APOH: variants seen among roughly 807,000 people sequenced by gnomAD.
The protein encoded by APOH is beta-2-glycoprotein 1.
In APOH, 48 loss-of-function variants were observed where a neutral mutation model predicts 39.8. That is an observed-to-expected ratio of 1.21 (90% CI 0.96 to 1.54). The LOEUF is 1.54. Among genes scored for constraint, APOH ranks in the 40% most tolerant of loss-of-function variants. The pLI, the probability that APOH is intolerant of heterozygous loss-of-function variation, is 0.00. For missense variants in APOH, 415 were observed against 421.2 expected, an observed-to-expected ratio of 0.99 and a Z score of 0.13; for synonymous variants, 153 against 151.1, an observed-to-expected ratio of 1.01 and a Z score of -0.09.
intron 3 of APOH, among the ~76,000 whole-genome samples, chr17:66,224,693 G>GAAAGA (rs2073427341): frequency 1.9e-5 from 1 of 53,394 alleles, no homozygotes; most frequent in African/African-American, 7.3e-5. Flanking sequence ...GAAGGGAAGG[G>GAAAGA]AAAGGAAAGG....
chr17:66,218,812 C>G (rs1432932597), intron 5 of APOH, among the ~76,000 whole-genome samples: 2 of 151,824 alleles, frequency 1.3e-5, no homozygotes, highest in Admixed American at 6.6e-5. Flanking sequence ...GAGTTTGAGA[C>G]CAGCCTGGCC....
intron 5 of APOH, among the ~76,000 whole-genome samples, chr17:66,219,418 A>G (rs934123541): frequency 6.6e-6 from 1 of 152,172 alleles, no homozygotes; most frequent in African/African-American, 2.4e-5. Flanking sequence ...AATTGAAAAA[A>G]AAAGGAACCT....
intron 7 of APOH, among the ~76,000 whole-genome samples, chr17:66,213,935 C>CA (rs539350788): frequency 0.019 from 2,594 of 135,718 alleles, 31 homozygotes; most frequent in Middle Eastern, 0.077. Flanking sequence ...GACCTTGTCT[C>CA]AAAAAAAAAA....
At chr17:66,221,419 G>GGAAGGAAGGAAAC in intron 4 of APOH, among the ~76,000 whole-genome samples, 2 of 149,692 alleles carry the variant, frequency 1.3e-5, no homozygotes, top group East Asian at 3.9e-4. Flanking sequence ...AAGGAAGGAA[G>GGAAGGAAGGAAAC]GAAGGAAGGA....
intron 3 of APOH, among the ~76,000 whole-genome samples, chr17:66,224,167 CT>C (rs2073420318): frequency 2.6e-5 from 4 of 152,170 alleles, no homozygotes; most frequent in Non-Finnish European, 4.4e-5. Flanking sequence ...GCAATGCAGT[CT>C]ATTTCCAATG....
rs1567741776 is a variant in APOH, at chr17:66,224,683, G to A, written c.339-909C>T. Among the ~76,000 whole-genome samples the A allele has an allele frequency of 5.6e-3, 306 of 54,312 alleles. 16 individuals are homozygous for A. Among genetic ancestry groups the A allele is most frequent in the Non-Finnish European group, 5.5e-3 (167 of 30,452 alleles). 35.6% of individuals were successfully genotyped at this position (54,312 alleles called of 152,430 possible). A position where few individuals can be genotyped will look rare whatever the true frequency, so the allele number is the denominator to read the frequency against. The stretch of plus-strand genomic sequence containing the variant: ...GAAGGGAAGGGAAGGGAAGGGAAGG[G>A]AAGGGAAGGGAAAGGAAAGGAAAGG... On this transcript the variant is annotated intron_variant, in intron 3 of 7. Transcript: ENST00000205948.
chr17:66,217,017 A>G, intron 5 of APOH, 50 bp from the exon 6 acceptor site: 2 of 1,415,590 alleles, frequency 1.4e-6, no homozygotes, highest in South Asian at 1.5e-5. Context: ...GTGCTATCCA[A>G]TAGTCATGAA....
At chr17:66,218,761 G>A (rs1444746261) in intron 5 of APOH, among the ~76,000 whole-genome samples, 3 of 152,156 alleles carry the variant, frequency 2.0e-5, no homozygotes, top group Non-Finnish European at 4.4e-5. Context: ...TGTAATCCCA[G>A]CAGTTTGGGA....
chr17:66,220,307 T>C (rs1336735877), intron 5 of APOH, among the ~76,000 whole-genome samples: 1 of 152,204 alleles, frequency 6.6e-6, no homozygotes, highest in African/African-American at 2.4e-5. Flanking sequence ...TCACCACCTA[T>C]GGGAAGCTGT....
chr17:66,226,756 T>C (rs2073442018), intron 2 of APOH, among the ~76,000 whole-genome samples: 1 of 152,210 alleles, frequency 6.6e-6, no homozygotes, highest in African/African-American at 2.4e-5. Context: ...ACAATTTTTA[T>C]GATATGCTGA....
In APOH at chr17:66,220,671, T is replaced by C. The variant is rs1474637469; in HGVS notation, c.487A>G (p.Asn163Asp). The C allele has an allele frequency of 6.2e-7, 1 of 1,614,206 alleles. No homozygotes were observed. The highest frequency in any genetic ancestry group is 1.3e-5 in the African/African-American group (1 of 75,054). The change falls in exon 5 of 8, where the codon AAT becomes GAT. Residue 163 changes from asparagine (N) to aspartate (D), a missense_variant. By Grantham distance (23) the Asn-to-Asp change is conservative. Transcript: ENST00000205948. ...ACTGCTGTGTCCCGATAGAGGGAAT[T>C]GTTTCCAGCTGATGGCTTATAAACA... ...LRVYKPSAGN[N>D]SLYRDTAVFE... is the part of the protein sequence containing the mutation.
intron 5 of APOH, among the ~76,000 whole-genome samples, chr17:66,218,499 G>A (rs897070125): frequency 3.3e-5 from 5 of 151,954 alleles, no homozygotes; most frequent in African/African-American, 1.2e-4. Flanking sequence ...AGTAGAGACG[G>A]GGTTTCACCA....
At chr17:66,224,470 TAAAAAAAA>T (rs760150264) in intron 3 of APOH, among the ~76,000 whole-genome samples, 1 of 43,018 alleles carries the variant, frequency 2.3e-5, no homozygotes, top group Non-Finnish European at 3.2e-5. Flanking sequence ...GAAGATCCTG[TAAAAAAAA>T]AAAAAAAAAA....
chr17:66,223,549 A>G, intron 4 of APOH, 149 bp downstream of exon 4: 1 of 690,728 alleles, frequency 1.4e-6, no homozygotes, highest in Non-Finnish European at 2.5e-6. Flanking sequence ...TTCATCTTCT[A>G]GAGCAAGATA....
Position 66,223,698 on chromosome 17 carries a change from G to T in APOH, c.415C>A (p.Pro139Thr). 1 of 1,614,066 alleles carries T rather than the reference G, an allele frequency of 6.2e-7. No individual in the cohort carries two copies. Among genetic ancestry groups the T allele is most frequent in the Non-Finnish European group, 8.5e-7 (1 of 1,179,932 alleles). The change falls in exon 4 of 8, where the codon CCC becomes ACC. Residue 139 changes from proline to threonine, a missense_variant and splice_region_variant. Pro to Thr is a conservative substitution (Grantham distance 38, BLOSUM62 -1). Around this residue, in one of 3 missense-constraint regions of APOH, gnomAD observed 288 missense variants for 284.9 expected, o/e 1.01. Transcript: ENST00000205948. ...CTGATCACCTTGCCCACAGACTTAC[G>T]AGCACAGACAGGAAGCTCCGGGCTC... is the stretch of plus-strand genomic sequence containing the variant. ...KWSPELPVCA[P>T]IICPPPSIPT...
At chr17:66,226,797 C>T (rs1056820308) in intron 2 of APOH, among the ~76,000 whole-genome samples, 1 of 152,058 alleles carries the variant, frequency 6.6e-6, no homozygotes, top group South Asian at 2.1e-4. Context: ...ATTATACCTG[C>T]TCTCTGCAGT....
intron 2 of APOH, among the ~76,000 whole-genome samples, chr17:66,227,438 C>T (rs1343086508): frequency 6.6e-6 from 1 of 152,052 alleles, no homozygotes; most frequent in Non-Finnish European, 1.5e-5. Context: ...AAGAATAATG[C>T]TAGCATGATA....
intron 5 of APOH, among the ~76,000 whole-genome samples, chr17:66,217,798 C>A (rs573297569): frequency 7.9e-5 from 12 of 151,994 alleles, no homozygotes; most frequent in Non-Finnish European, 1.8e-4. Flanking sequence ...CAAAAATTAG[C>A]CGGGTGTGGT....
At chr17:66,224,344 G>A (rs2073421181) in intron 3 of APOH, among the ~76,000 whole-genome samples, 1 of 151,572 alleles carries the variant, frequency 6.6e-6, no homozygotes, top group Non-Finnish European at 1.5e-5. Flanking sequence ...TGTGCCTATA[G>A]TCCAAGCTAC....
Sources: allele counts gnomAD v4.1 joint callset (sites outside exome capture counted in the v4.1 genomes callset), GRCh38; gene constraint gnomAD v4.1.1; regional missense constraint gnomAD v4.1.1; transcripts MANE v1.5; gene names NCBI Gene and HGNC (gene_info 2026-07-23, HGNC 2026-07-21).